The following GABPB2 variants were observed in gnomAD, a reference collection of about 807,000 sequenced individuals.
GABPB2 encodes GA-binding protein subunit beta-2.
In GABPB2, 23 loss-of-function variants were observed where a neutral mutation model predicts 39.1. The observed-to-expected ratio is 0.59, with a 90% CI of 0.42 to 0.83. GABPB2 has a LOEUF of 0.83. GABPB2 is among the 40% of genes least tolerant of loss of function. GABPB2 has a pLI of 0.00. For missense variants in GABPB2, 467 were observed against 541.1 expected, an observed-to-expected ratio of 0.86 and a Z score of 1.36; for synonymous variants, 184 against 199.3, an observed-to-expected ratio of 0.92 and a Z score of 0.65.
chr1:151,101,278 A>T (rs936075351), intron 5 of GABPB2, among the ~76,000 whole-genome samples: 2 of 151,644 alleles, frequency 1.3e-5, no homozygotes, highest in African/African-American at 4.8e-5. Flanking sequence ...GAGTACATTT[A>T]AAAATAAAAT....
chr1:151,081,090 G>T (rs587713871), intron 1 of GABPB2, among the ~76,000 whole-genome samples: 1 of 151,250 alleles, frequency 6.6e-6, no homozygotes, highest in Non-Finnish European at 1.5e-5. Flanking sequence ...AGCCAGGATG[G>T]TCTCGGTCTC....
chr1:151,083,185 T>C (rs974115013), intron 1 of GABPB2, among the ~76,000 whole-genome samples: 9 of 152,294 alleles, frequency 5.9e-5, no homozygotes, highest in African/African-American at 1.9e-4. Flanking sequence ...ATGCATTTTA[T>C]TATACAATGT....
chr1:151,109,219 G>A (rs946101303), intron 7 of GABPB2, among the ~76,000 whole-genome samples: 1 of 150,874 alleles, frequency 6.6e-6, no homozygotes, highest in Non-Finnish European at 1.5e-5. Flanking sequence ...TATATTGGAG[G>A]TTGAAACGAA....
intron 4 of GABPB2, among the ~76,000 whole-genome samples, chr1:151,095,306 G>A (rs1202657996): frequency 6.6e-6 from 1 of 152,192 alleles, no homozygotes; most frequent in African/African-American, 2.4e-5. Context: ...GAGTTTGGGA[G>A]TGGCAGATGC....
At chr1:151,081,592 C>A (rs1306551584) in intron 1 of GABPB2, among the ~76,000 whole-genome samples, 1 of 152,124 alleles carries the variant, frequency 6.6e-6, no homozygotes, top group East Asian at 1.9e-4. Context: ...TTTCAACTCT[C>A]TTTAACTTCT....
chr1:151,092,943 G>A (rs1266325770), intron 3 of GABPB2, among the ~76,000 whole-genome samples: 1 of 152,100 alleles, frequency 6.6e-6, no homozygotes, highest in Non-Finnish European at 1.5e-5. Flanking sequence ...ACAAAAATCT[G>A]TTCTTTCTCT....
chr1:151,116,383 G>A (rs778469814), intron 7 of GABPB2, among the ~76,000 whole-genome samples: 1 of 134,276 alleles, frequency 7.4e-6, no homozygotes, highest in Admixed American at 8.3e-5. Context: ...TCTGGGCAAC[G>A]AGAGCAAAAT....
rs1681161443 is a variant in GABPB2 at position 151,120,954 on chromosome 1, CTA to C, written c.*2700_*2701del. On this transcript the variant is annotated 3_prime_UTR_variant, in exon 9 of 9. Transcript: ENST00000368918. ...TATATTCAGTAGAGACAGGGTTTCT[CTA>C]TGTTGGTCAGGCTGGTCTGGAACTC... is the stretch of plus-strand genomic sequence containing the variant. 1 of 152,052 alleles carries C rather than the reference CTA, an allele frequency of 6.6e-6. No homozygotes were observed. Among genetic ancestry groups the C allele is most frequent in the African/African-American group, 2.4e-5 (1 of 41,408 alleles). The allele number at this position is 152,052 out of a possible 1,614,324, so 9.4% of individuals were successfully genotyped here.
At chr1:151,107,267 G>C in intron 7 of GABPB2, 45 bp downstream of exon 7, 1 of 1,329,670 alleles carries the variant, frequency 7.5e-7, no homozygotes, top group African/African-American at 1.5e-5. Context: ...AGATATTTTA[G>C]ATACTCCATA....
intron 1 of GABPB2, among the ~76,000 whole-genome samples, chr1:151,077,023 G>A (rs12093277): frequency 0.048 from 7,283 of 151,444 alleles, 295 homozygotes; most frequent in African/African-American, 0.1. Flanking sequence ...TCAATCTCCT[G>A]ACCTCGTGAT....
At chr1:151,102,195 C>T (rs974244151) in intron 5 of GABPB2, among the ~76,000 whole-genome samples, 3 of 152,062 alleles carry the variant, frequency 2.0e-5, no homozygotes, top group Non-Finnish European at 4.4e-5. Flanking sequence ...GTGGTGCACA[C>T]CTGTAATCCC....
In GABPB2 at chr1:151,071,453, C is replaced by CTTTT. The variant is rs71090124; in HGVS notation, c.-1+532_-1+535dup. ...CGGGCCCCGCCTCTGCTTTTTTGCT[C>CTTTT]TTTTTTTTTTTTTTTTCAAAACTGA... is the stretch of plus-strand genomic sequence containing the variant. On this transcript the variant is annotated intron_variant, in intron 1 of 8. Transcript: ENST00000368918. 2.2e-4 allele frequency among the ~76,000 whole-genome samples: 22 copies of CTTTT among 100,522 alleles called. 6 individuals are homozygous for CTTTT. Among genetic ancestry groups the CTTTT allele is most frequent in the South Asian group, 6.8e-4 (2 of 2,926 alleles). 65.9% of individuals were successfully genotyped at this position (100,522 alleles called of 152,430 possible). A position where few individuals can be genotyped will look rare whatever the true frequency, so the allele number is the denominator to read the frequency against.
chr1:151,074,571 A>T (rs917064576), intron 1 of GABPB2, among the ~76,000 whole-genome samples: 1 of 149,590 alleles, frequency 6.7e-6, no homozygotes, highest in Non-Finnish European at 1.5e-5. Flanking sequence ...CGCCCTCCTC[A>T]GCCTCCCAAA....
chr1:151,102,327 T>A (rs1311877337), intron 5 of GABPB2, among the ~76,000 whole-genome samples: 12 of 152,148 alleles, frequency 7.9e-5, no homozygotes, highest in Non-Finnish European at 1.8e-4. Flanking sequence ...TCTCAAAAAG[T>A]AAATAAATAA....
intron 4 of GABPB2, 99 bp downstream of exon 4, chr1:151,093,485 A>C: frequency 1.2e-6 from 1 of 856,364 alleles, no homozygotes; most frequent in Non-Finnish European, 1.7e-6. Context: ...ATTTTATTAA[A>C]GTAGCACTTC....
In GABPB2 at chr1:151,110,005, A is replaced by ATTTTTTTTTTT. The variant is rs71577269; in HGVS notation, c.922+2810_922+2820dup. Among the ~76,000 whole-genome samples, 10 of 60,760 alleles carry ATTTTTTTTTTT rather than the reference A, an allele frequency of 1.6e-4. 3 individuals carry two copies. Among genetic ancestry groups the ATTTTTTTTTTT allele is most frequent in the Non-Finnish European group, 3.5e-4 (10 of 28,832 alleles). 39.9% of individuals were successfully genotyped at this position (60,760 alleles called of 152,430 possible). On this transcript the variant is annotated intron_variant, in intron 7 of 8. Transcript: ENST00000368918. ...AATCATGTGCCACCATGCCCAGCTA[A>ATTTTTTTTTTT]TTTTTTTTTTTTTTTTTTTTTTTTT...
Position 151,117,430 on chromosome 1 carries a change from G to C in GABPB2, c.961G>C (p.Val321Leu). Residue 321 changes from valine to leucine, a missense_variant, in exon 8 of 9, where the codon GTA becomes CTA. Val to Leu is a conservative substitution (Grantham distance 32). Coordinates refer to ENST00000368918, the MANE Select transcript of GABPB2 (RefSeq NM_144618.3). ...VPAGKVAEET[V>L]IKEEEEEKLP... is the part of the protein sequence containing the mutation. ...TGCTGGTAAGGTTGCAGAGGAGACT[G>C]TAATTAAAGAGGAAGAAGAAGAGAA... The C allele has an allele frequency of 6.2e-7, 1 of 1,613,738 alleles. No individual in the cohort carries two copies. Among genetic ancestry groups the C allele is most frequent in the Non-Finnish European group, 8.5e-7 (1 of 1,179,662 alleles).
At position 151,117,937 on chromosome 1, in the gene GABPB2, G is replaced by A. The variant is rs905264094; in HGVS notation, c.1048-20G>A. On this transcript the variant is annotated intron_variant, in intron 8 of 8. Transcript: ENST00000368918. The stretch of plus-strand genomic sequence containing the variant: ...TATGATCAGGAATTTACCTGGTGGT[G>A]ACATGGCTTACTTTTACAGGAAGGC... 6.2e-7 allele frequency: 1 copy of A among 1,601,016 alleles called. No individual in the cohort carries two copies. Among genetic ancestry groups the A allele is most frequent in the African/African-American group, 1.3e-5 (1 of 74,348 alleles).
rs587753942 is a variant in GABPB2 at position 151,105,023 on chromosome 1, C to T, written c.736+1348C>T. Among the ~76,000 whole-genome samples, 21 of 152,074 alleles carry T rather than the reference C, an allele frequency of 1.4e-4. No individual in the cohort carries two copies. The South Asian group carries it at 3.9e-3, about 29-fold the overall frequency. Reference sequence around the variant, plus strand: ...GGGTTCAAGCACAATTCTCCTGCCTCAGCCTCCCAAGTAGCTGGGATTACA... The same window carrying T: ...GGGTTCAAGCACAATTCTCCTGCCTTAGCCTCCCAAGTAGCTGGGATTACA... On this transcript the variant is annotated intron_variant, in intron 6 of 8. Coordinates refer to ENST00000368918, the MANE Select transcript of GABPB2 (RefSeq NM_144618.3).
Sources: allele counts gnomAD v4.1 joint callset (sites outside exome capture counted in the v4.1 genomes callset), GRCh38; gene constraint gnomAD v4.1.1; transcripts MANE v1.5; gene names NCBI Gene and HGNC (gene_info 2026-07-23, HGNC 2026-07-21).